HOMER1: variants seen among roughly 807,000 people sequenced by gnomAD.
HOMER1 encodes homer protein homolog 1.
HOMER1 carries 3 observed loss-of-function variants against 48.9 expected under a neutral mutation model. The observed-to-expected ratio is 0.06, with a 90% confidence interval of 0.03 to 0.16. The LOEUF (loss-of-function observed/expected upper bound fraction) is 0.16, where lower values mean the gene tolerates loss of function less well. Among genes scored for constraint, HOMER1 ranks in the 10% least tolerant of loss-of-function variants. The probability of loss-of-function intolerance (pLI) is 1.00; values close to 1 mark genes in which losing one functional copy is unlikely to be tolerated. For missense variants in HOMER1, 247 were observed against 411.4 expected (o/e 0.60, Z 3.46); for synonymous variants, 134 against 146.4 (o/e 0.92, Z 0.61).
At chr5:79,434,958 T>C (rs560052102) in intron 5 of HOMER1, among the ~76,000 whole-genome samples, 72 of 152,306 alleles carry the variant, frequency 4.7e-4, no homozygotes, top group Non-Finnish European at 8.2e-4. Context: ...GAAAAGTATT[T>C]GTGAATTTGC....
intron 8 of HOMER1, among the ~76,000 whole-genome samples, chr5:79,390,581 A>G (rs1471446932): frequency 6.6e-6 from 1 of 152,216 alleles, no homozygotes; most frequent in Non-Finnish European, 1.5e-5. Flanking sequence ...TGAATGAGTC[A>G]TCTACTAGAA....
chr5:79,423,841 G>A (rs1253388007), intron 5 of HOMER1, among the ~76,000 whole-genome samples: 2 of 152,106 alleles, frequency 1.3e-5, no homozygotes, highest in African/African-American at 4.8e-5. Context: ...GTCTAAGACT[G>A]TGAACACGAC....
At chr5:79,434,985 TGGA>T (rs545837287) in intron 5 of HOMER1, among the ~76,000 whole-genome samples, 88 of 152,250 alleles carry the variant, frequency 5.8e-4, no homozygotes, top group African/African-American at 2.1e-3. Flanking sequence ...AATAACACAG[TGGA>T]GGAGGACTAG....
chr5:79,501,227 TCC>T (rs1437464512), intron 1 of HOMER1, among the ~76,000 whole-genome samples: 1 of 152,188 alleles, frequency 6.6e-6, no homozygotes, highest in Non-Finnish European at 1.5e-5. Context: ...TGCCTGGGCC[TCC>T]CAAAGTGCTG....
chr5:79,407,315 G>A (rs1326607677), intron 5 of HOMER1, among the ~76,000 whole-genome samples: 4 of 149,578 alleles, frequency 2.7e-5, no homozygotes, highest in Non-Finnish European at 5.9e-5. Flanking sequence ...GTATCAAAAA[G>A]CAAGAAAAAA....
chr5:79,418,423 G>A (rs1032214406), intron 5 of HOMER1, among the ~76,000 whole-genome samples: 1 of 152,182 alleles, frequency 6.6e-6, no homozygotes, highest in Non-Finnish European at 1.5e-5. Flanking sequence ...TCCAACTCCA[G>A]ATTAGTTCAG....
chr5:79,490,478 G>C (rs935075555), intron 1 of HOMER1, among the ~76,000 whole-genome samples: 1 of 152,002 alleles, frequency 6.6e-6, no homozygotes, highest in Admixed American at 6.5e-5. Flanking sequence ...TATTACTTAA[G>C]TGTATCTTAT....
chr5:79,426,870 G>A lies in HOMER1; in HGVS notation c.527+12140C>T, dbSNP rs911076055. ...ATATTTGACTACCCAGATTTGATTG[G>A]TAAACATTGTATGTTTGTATCAAAA... On this transcript the variant is annotated intron_variant, in intron 5 of 8. Coordinates refer to ENST00000334082, the MANE Select transcript of HOMER1 (RefSeq NM_004272.5). Among the ~76,000 whole-genome samples, 3 of 151,962 alleles carry A rather than the reference G, an allele frequency of 2.0e-5. No homozygotes were observed. The East Asian group carries it at 5.8e-4, about 29-fold the overall frequency.
At chr5:79,465,996 A>G (rs1228735362) in intron 1 of HOMER1, among the ~76,000 whole-genome samples, 1 of 152,182 alleles carries the variant, frequency 6.6e-6, no homozygotes, top group Non-Finnish European at 1.5e-5. Context: ...TTTAATAAGT[A>G]GCTATAAAGT....
chr5:79,493,629 C>A (rs1752347839), intron 1 of HOMER1, among the ~76,000 whole-genome samples: 1 of 152,212 alleles, frequency 6.6e-6, no homozygotes, highest in South Asian at 2.1e-4. Context: ...TTCCTTCGGT[C>A]TATGAGGACA....
Position 79,471,374 on chromosome 5 carries a change from G to A in HOMER1, c.6-14356C>T, listed in dbSNP as rs370653758. The stretch of plus-strand genomic sequence containing the variant: ...AGCCTGACCAACATGGTGAAACCCC[G>A]TCTCTACTAAAAATACAAAAAATTA... On this transcript the variant is annotated intron_variant, in intron 1 of 8. Coordinates refer to ENST00000334082, the MANE Select transcript of HOMER1 (RefSeq NM_004272.5). Among the ~76,000 whole-genome samples the A allele has an allele frequency of 4.0e-4, 60 of 151,712 alleles. 1 individual carries two copies. Among genetic ancestry groups the A allele is most frequent in the African/African-American group, 1.4e-3 (59 of 41,414 alleles).
At chr5:79,407,218 C>T (rs188003201) in intron 5 of HOMER1, among the ~76,000 whole-genome samples, 56 of 151,978 alleles carry the variant, frequency 3.7e-4, no homozygotes, top group Non-Finnish European at 6.2e-4. Flanking sequence ...GCAGAAGAGT[C>T]ATACCCATTT....
At chr5:79,461,899 T>A (rs1057343524) in intron 1 of HOMER1, among the ~76,000 whole-genome samples, 1 of 152,174 alleles carries the variant, frequency 6.6e-6, no homozygotes, top group African/African-American at 2.4e-5. Flanking sequence ...AAATCAATTT[T>A]AAAGACAAAT....
intron 1 of HOMER1, 109 bp downstream of exon 1, chr5:79,512,661 T>A (rs1752974293): frequency 9.4e-7 from 1 of 1,059,376 alleles, no homozygotes; most frequent in Admixed American, 1.9e-5. Context: ...ATGACCAGCT[T>A]AGCAAGGTGG....
At chr5:79,389,453 T>C (rs888305863) in intron 8 of HOMER1, among the ~76,000 whole-genome samples, 2 of 152,164 alleles carry the variant, frequency 1.3e-5, no homozygotes, top group Non-Finnish European at 2.9e-5. Flanking sequence ...TGTTGAAATG[T>C]AGTGGCCAAT....
chr5:79,488,254 G>A (rs2112353170), intron 1 of HOMER1, among the ~76,000 whole-genome samples: 1 of 152,290 alleles, frequency 6.6e-6, no homozygotes. Flanking sequence ...AGGTGATTAG[G>A]CAGTGCCTTT....
chr5:79,395,511 C>T (rs6867720), intron 8 of HOMER1, among the ~76,000 whole-genome samples: 72,717 of 151,998 alleles, frequency 0.48, 20,723 homozygotes, highest in African/African-American at 0.79. Context: ...TCTATATAGA[C>T]GACTAAAATA....
chr5:79,494,416 A>C lies in HOMER1; in HGVS notation c.5+18354T>G, dbSNP rs371095730. ...CCCTTTATCAACTAATGGCTGACCA[A>C]GGCAATCTCTTTTACCTCATAATAT... On this transcript the variant is annotated intron_variant, in intron 1 of 8. Coordinates refer to ENST00000334082, the MANE Select transcript of HOMER1 (RefSeq NM_004272.5). Among the ~76,000 whole-genome samples the C allele has an allele frequency of 1.6e-4, 24 of 152,342 alleles. No homozygotes were observed. In the South Asian group the frequency reaches 5.0e-3, roughly 32 times the overall value.
intron 1 of HOMER1, among the ~76,000 whole-genome samples, chr5:79,495,630 A>G (rs553996583): frequency 3.3e-5 from 5 of 152,318 alleles, no homozygotes; most frequent in Non-Finnish European, 5.9e-5. Context: ...GTGTTAGGAG[A>G]CTGTAGCAAC....
Sources: gnomAD v4.1 joint callset for allele counts (sites outside exome capture counted in the v4.1 genomes callset) on GRCh38, gnomAD v4.1.1 for gene constraint, MANE v1.5 for transcripts, NCBI Gene and HGNC (gene_info 2026-07-23, HGNC 2026-07-21) for gene names.